Variants in NF1 observed in about 807,000 individuals in gnomAD.
The protein encoded by NF1 is neurofibromin 1.
NF1 carries 122 observed loss-of-function variants against 325.7 expected under a neutral mutation model. The ratio of observed to expected loss-of-function variants is 0.37; its 90% confidence interval spans 0.32 to 0.44. The LOEUF (loss-of-function observed/expected upper bound fraction) is 0.44, where lower values mean the gene tolerates loss of function less well. Among genes scored for constraint, NF1 ranks in the 20% least tolerant of loss-of-function variants. The pLI is 1.00. For synonymous variants in NF1, 1,091 were observed against 1,186.0 expected, an observed-to-expected ratio of 0.92 and a Z score of 1.65; for missense variants, 2,140 against 3,415.4, an observed-to-expected ratio of 0.63 and a Z score of 9.31.
At chr17:31,281,985 G>A (rs1431090817) in intron 36 of NF1, among the ~76,000 whole-genome samples, 1 of 151,968 alleles carries the variant, frequency 6.6e-6, no homozygotes, top group African/African-American at 2.4e-5. Flanking sequence ...ACTTGAGCCC[G>A]GGAGGTTGAT....
chr17:31,234,053 C>T (rs2002312), intron 27 of NF1, among the ~76,000 whole-genome samples: 3 of 152,144 alleles, frequency 2.0e-5, no homozygotes, highest in Admixed American at 2.0e-4. Flanking sequence ...TTTAGAGCAC[C>T]CTTGCTGCTG....
intron 36 of NF1, chr17:31,321,600 A>G (rs1467847306): frequency 6.6e-6 from 1 of 152,162 alleles, no homozygotes; most frequent in African/African-American, 2.4e-5. Context: ...TATGAGCCTT[A>G]AAGTAAATCT....
intron 33 of NF1, 129 bp downstream of exon 33, chr17:31,259,258 C>G: frequency 1.6e-6 from 1 of 606,462 alleles, no homozygotes; most frequent in South Asian, 2.0e-5. Flanking sequence ...TAGGTCAAGA[C>G]ATAGCTTGTC....
At chr17:31,256,313 A>G (rs543791217) in intron 31 of NF1, among the ~76,000 whole-genome samples, 8 of 152,098 alleles carry the variant, frequency 5.3e-5, no homozygotes, top group Admixed American at 1.3e-4. Context: ...TAATTTTTGT[A>G]TTTTTAGTAG....
At position 31,330,362 on chromosome 17, in the gene NF1, A is replaced by G. The variant is rs876658130; in HGVS notation, c.5676A>G (p.Leu1892=). Residue 1892 remains leucine (L), a synonymous_variant, in exon 39 of 58, where the codon TTA becomes TTG. Coordinates refer to ENST00000358273, the MANE Select transcript of NF1 (RefSeq NM_001042492.3). ...TTAATTTAAAAATCGAGGGCCAGTT[A>G]CTAGAGACATCAGGTTTATGTATCC... ...CTFNLKIEGQ[L]LETSGLCIPA... 19 of 1,613,972 alleles carry G rather than the reference A, an allele frequency of 1.2e-5. No individual in the cohort carries two copies. Among genetic ancestry groups the G allele is most frequent in the Non-Finnish European group, 1.6e-5 (19 of 1,179,968 alleles).
chr17:31,101,007 C>T (rs977886157), intron 1 of NF1, among the ~76,000 whole-genome samples: 8 of 152,144 alleles, frequency 5.3e-5, no homozygotes, highest in African/African-American at 2.4e-5. Flanking sequence ...GCTAAGATTT[C>T]CTTTCTCTTG....
intron 36 of NF1, among the ~76,000 whole-genome samples, chr17:31,291,622 T>G (rs1399324294): frequency 6.6e-6 from 1 of 152,156 alleles, no homozygotes; most frequent in Non-Finnish European, 1.5e-5. Context: ...AAGGAAAAAT[T>G]TTATGAAAGA....
intron 4 of NF1, among the ~76,000 whole-genome samples, chr17:31,165,181 T>C (rs570340609): frequency 6.6e-6 from 1 of 152,238 alleles, no homozygotes; most frequent in East Asian, 1.9e-4. Context: ...CACCAAAGGT[T>C]TTACTTTATG....
At chr17:31,237,195 G>T (rs2067218133) in intron 29 of NF1, among the ~76,000 whole-genome samples, 1 of 152,162 alleles carries the variant, frequency 6.6e-6, no homozygotes, top group Non-Finnish European at 1.5e-5. Context: ...AGTATCAACT[G>T]TAATATCTAT....
At chr17:31,198,654 G>C (rs949002595) in intron 8 of NF1, among the ~76,000 whole-genome samples, 6 of 151,604 alleles carry the variant, frequency 4.0e-5, no homozygotes, top group African/African-American at 9.7e-5. Flanking sequence ...TTGCTCTTTC[G>C]CACAGGCTGG....
At chr17:31,360,768 C>G (rs2070378933) in intron 57 of NF1, 65 bp downstream of exon 57, 3 of 1,418,090 alleles carry the variant, frequency 2.1e-6, no homozygotes, top group South Asian at 1.2e-5. Flanking sequence ...TAGGAATTCC[C>G]TTGTGATCAG....
At chr17:31,226,789 A>G (rs2151426452) in intron 18 of NF1, 105 bp downstream of exon 18, 2 of 1,449,444 alleles carry the variant, frequency 1.4e-6, no homozygotes, top group Non-Finnish European at 1.9e-6. Flanking sequence ...TACAGGGGAA[A>G]TTCAAGTAGC....
At chr17:31,138,072 G>A (rs1444422673) in intron 1 of NF1, 1 of 151,966 alleles carries the variant, frequency 6.6e-6, no homozygotes, top group East Asian at 1.9e-4. Flanking sequence ...GACTCTTCAA[G>A]TCTGGAAAAC....
intron 31 of NF1, among the ~76,000 whole-genome samples, chr17:31,256,463 T>C (rs1048446276): frequency 6.6e-6 from 1 of 152,176 alleles, no homozygotes; most frequent in African/African-American, 2.4e-5. Context: ...GATTAAAATT[T>C]GGGAGTTTTA....
At chr17:31,282,985 AAG>A (rs2068151022) in intron 36 of NF1, among the ~76,000 whole-genome samples, 1 of 152,190 alleles carries the variant, frequency 6.6e-6, no homozygotes, top group Non-Finnish European at 1.5e-5. Context: ...AACCATAGCC[AAG>A]TCTATTACTG....
rs137854550 is a variant in NF1, at chr17:31,258,500, A to G, written c.4330A>G (p.Lys1444Glu). Residue 1444 changes from lysine to glutamate, a missense_variant and splice_region_variant, in exon 32 of 58, where the codon AAG (lysine) becomes GAG (glutamate). Coordinates refer to ENST00000358273, the MANE Select transcript of NF1 (RefSeq NM_001042492.3). Reference sequence around the variant, plus strand: ...CGAAAGGGGCTTGAAGTTAATGTCAAAGGTGAATTATTTTGATAATCTAGC... The same window carrying G: ...CGAAAGGGGCTTGAAGTTAATGTCAGAGGTGAATTATTTTGATAATCTAGC... ...RIERGLKLMS[K>E]ILQSIANHVL... The G allele has an allele frequency of 2.5e-6, 4 of 1,613,564 alleles. No individual in the cohort carries two copies. Among genetic ancestry groups the G allele is most frequent in the African/African-American group, 1.3e-5 (1 of 74,906 alleles).
At chr17:31,213,392 C>T (rs2066763436) in intron 12 of NF1, among the ~76,000 whole-genome samples, 1 of 152,176 alleles carries the variant, frequency 6.6e-6, no homozygotes, top group Non-Finnish European at 1.5e-5. Flanking sequence ...GGTATAATAA[C>T]AAATGCATAT....
At chr17:31,106,158 C>G (rs1202853684) in intron 1 of NF1, among the ~76,000 whole-genome samples, 1 of 152,088 alleles carries the variant, frequency 6.6e-6, no homozygotes, top group African/African-American at 2.4e-5. Flanking sequence ...AAAGAAAAAG[C>G]TTTTGATTGT....
In NF1 at chr17:31,374,907, G is replaced by A. The variant is rs933073859; in HGVS notation, c.*752G>A. 1.8e-5 allele frequency: 4 copies of A among 226,190 alleles called. No individual in the cohort carries two copies. Among genetic ancestry groups the A allele is most frequent in the African/African-American group, 8.9e-5 (4 of 44,904 alleles). The allele number at this position is 226,190 out of a possible 1,614,324, so 14.0% of individuals were successfully genotyped here. A position where few individuals can be genotyped will look rare whatever the true frequency, so the allele number is the denominator to read the frequency against. Reference sequence around the variant, plus strand: ...TATCCAAACTCAGTCATCCAAACTAGTTTATTTTTTTCTCCAGTTGATTAT... The same window carrying A: ...TATCCAAACTCAGTCATCCAAACTAATTTATTTTTTTCTCCAGTTGATTAT... On this transcript the variant is annotated 3_prime_UTR_variant, in exon 58 of 58. Coordinates refer to ENST00000358273, the MANE Select transcript of NF1 (RefSeq NM_001042492.3).
Sources: allele counts gnomAD v4.1 joint callset (sites outside exome capture counted in the v4.1 genomes callset), GRCh38; gene constraint gnomAD v4.1.1; transcripts MANE v1.5; gene names NCBI Gene and HGNC (gene_info 2026-07-23, HGNC 2026-07-21).